The following NLK variants were observed in gnomAD, a reference collection of about 807,000 sequenced individuals.
NLK encodes the protein serine/threonine-protein kinase NLK.
A neutral mutation model predicts 59.0 loss-of-function variants in NLK; 11 were observed. The ratio of observed to expected loss-of-function variants is 0.19; its 90% CI spans 0.12 to 0.31. NLK has a LOEUF of 0.31. Ranked by LOEUF, NLK falls within the 10% of genes least tolerant of loss-of-function variation. NLK has a pLI of 1.00. For missense variants in NLK, 410 were observed against 661.1 expected, an observed-to-expected ratio of 0.62 and a Z score of 4.16; for synonymous variants, 235 against 235.9, an observed-to-expected ratio of 1.00 and a Z score of 0.03.
Position 28,160,237 on chromosome 17 carries a change from T to A in NLK, c.645-923T>A, listed in dbSNP as rs542030818. On this transcript the variant is annotated intron_variant, in intron 3 of 10. Coordinates refer to ENST00000407008, the MANE Select transcript of NLK (RefSeq NM_016231.5). ...GGAGACTAAAGCGATTTGGAAAAAA[T>A]GTCTCGAGGAGGAGGGAGTTTGAAA... Among the ~76,000 whole-genome samples, 13 of 152,206 alleles carry A rather than the reference T, an allele frequency of 8.5e-5. No homozygotes were observed. In the South Asian group the frequency reaches 1.5e-3, roughly 17 times the overall value.
At position 28,179,845 on chromosome 17, in the gene NLK, T is replaced by C. The variant is rs1908829027; in HGVS notation, c.1150-5334T>C. ...ACAGGCATGAGCCACCGTGCCCAGTTCTAGGGCATATTTCTAAGCATTCTT... is the reference window on the plus strand; with the variant it reads ...ACAGGCATGAGCCACCGTGCCCAGTCCTAGGGCATATTTCTAAGCATTCTT... On this transcript the variant is annotated intron_variant, in intron 7 of 10. Coordinates refer to ENST00000407008, the MANE Select transcript of NLK (RefSeq NM_016231.5). Among the ~76,000 whole-genome samples the C allele has an allele frequency of 2.0e-5, 3 of 151,490 alleles. 1 individual carries two copies. The South Asian group carries it at 6.3e-4, about 32-fold the overall frequency.
intron 1 of NLK, among the ~76,000 whole-genome samples, chr17:28,114,365 A>G (rs1369236020): frequency 6.6e-6 from 1 of 152,172 alleles, no homozygotes; most frequent in Non-Finnish European, 1.5e-5. Flanking sequence ...CCTAAACTAT[A>G]AGAATTTCCA....
chr17:28,057,202 G>T (rs575467287), intron 1 of NLK, among the ~76,000 whole-genome samples: 2 of 152,192 alleles, frequency 1.3e-5, no homozygotes, highest in African/African-American at 2.4e-5. Flanking sequence ...TGATCCACCC[G>T]CCTCGGCCTC....
At chr17:28,095,081 A>T (rs1487719399) in intron 1 of NLK, among the ~76,000 whole-genome samples, 1 of 152,162 alleles carries the variant, frequency 6.6e-6, no homozygotes, top group Non-Finnish European at 1.5e-5. Context: ...AGAAGGAAAA[A>T]TTGGGAAGAT....
At chr17:28,059,316 T>C (rs887577774) in intron 1 of NLK, among the ~76,000 whole-genome samples, 4 of 152,052 alleles carry the variant, frequency 2.6e-5, no homozygotes, top group African/African-American at 9.7e-5. Context: ...TTTTTAAGAG[T>C]GAGAGCTCTA....
intron 7 of NLK, among the ~76,000 whole-genome samples, chr17:28,183,389 C>CATA (rs1908991466): frequency 6.6e-6 from 1 of 152,136 alleles, no homozygotes. Context: ...AGTGCAGTGG[C>CATA]ATAAGCACAG....
At chr17:28,111,899 GTGTGTGTGT>G (rs1567717090) in intron 1 of NLK, among the ~76,000 whole-genome samples, 16 of 76,238 alleles carry the variant, frequency 2.1e-4, no homozygotes, top group African/African-American at 7.9e-4. Flanking sequence ...TGTGTGTGGT[GTGTGTGTGT>G]GTGTGTGTGT....
the NLK span, among the ~76,000 whole-genome samples, chr17:28,205,049 G>A: frequency 6.6e-6 from 1 of 152,184 alleles, no homozygotes; most frequent in African/African-American, 2.4e-5. Context: ...TCAGTCACCT[G>A]AAGAGATGGA....
chr17:28,160,064 G>A (rs565988294), intron 3 of NLK, among the ~76,000 whole-genome samples: 62 of 152,280 alleles, frequency 4.1e-4, no homozygotes, highest in African/African-American at 1.4e-3. Flanking sequence ...TGCACTTAAG[G>A]AAAGATTAAC....
chr17:28,068,047 A>G (rs1438138667), intron 1 of NLK, among the ~76,000 whole-genome samples: 2 of 151,244 alleles, frequency 1.3e-5, no homozygotes, highest in East Asian at 2.0e-4. Flanking sequence ...AGGCTGAGGT[A>G]GGAGAATTGC....
intron 8 of NLK, among the ~76,000 whole-genome samples, chr17:28,187,840 T>G (rs1318133757): frequency 6.6e-6 from 1 of 152,142 alleles, no homozygotes; most frequent in Non-Finnish European, 1.5e-5. Context: ...GGAGAAAGAT[T>G]TATCTGGTAA....
the NLK span, among the ~76,000 whole-genome samples, chr17:28,204,830 T>C: frequency 6.6e-6 from 1 of 152,244 alleles, no homozygotes; most frequent in Non-Finnish European, 1.5e-5. Context: ...CCATATACTG[T>C]TGAATGCACT....
At chr17:28,170,078 G>A (rs890947818) in intron 6 of NLK, among the ~76,000 whole-genome samples, 1 of 152,134 alleles carries the variant, frequency 6.6e-6, no homozygotes, top group Non-Finnish European at 1.5e-5. Flanking sequence ...AAATAAGGCA[G>A]TAAGATGCTG....
intron 1 of NLK, among the ~76,000 whole-genome samples, chr17:28,076,446 C>G (rs779865545): frequency 3.9e-5 from 6 of 152,126 alleles, no homozygotes; most frequent in Non-Finnish European, 5.9e-5. Context: ...GCTTCACCTT[C>G]ATGATATAAT....
chr17:28,090,704 A>T (rs1354366589), intron 1 of NLK, among the ~76,000 whole-genome samples: 7 of 152,150 alleles, frequency 4.6e-5, no homozygotes, highest in African/African-American at 1.7e-4. Context: ...GAGCTTGTTA[A>T]AAAATAATAA....
rs77361360 is a variant in NLK, at chr17:28,075,634, G to A, written c.458+32303G>A. On this transcript the variant is annotated intron_variant, in intron 1 of 10. Coordinates refer to ENST00000407008, the MANE Select transcript of NLK (RefSeq NM_016231.5). Reference sequence around the variant, plus strand: ...TAAAAAGTGCCTCAACTTAAAAACTGTTCTTAAGTTTTCTTCTTTTGCTTT... The same window carrying A: ...TAAAAAGTGCCTCAACTTAAAAACTATTCTTAAGTTTTCTTCTTTTGCTTT... Among the ~76,000 whole-genome samples, 999 of 152,288 alleles carry A rather than the reference G, an allele frequency of 6.6e-3. 17 individuals are homozygous for A. Among genetic ancestry groups the A allele is most frequent in the African/African-American group, 0.022 (930 of 41,556 alleles).
chr17:28,203,160 T>TACACACACACACAC, the NLK span, among the ~76,000 whole-genome samples: 64 of 127,134 alleles, frequency 5.0e-4, 1 homozygote, highest in African/African-American at 2.2e-3. Flanking sequence ...TGTATATACA[T>TACACACACACACAC]ACATACACAC....
intron 2 of NLK, among the ~76,000 whole-genome samples, chr17:28,123,837 AAT>A (rs1366357922): frequency 1.3e-5 from 2 of 152,320 alleles, no homozygotes; most frequent in Admixed American, 6.5e-5. Context: ...CCAGCATTAG[AAT>A]ATGTTTTCAT....
Position 28,186,062 on chromosome 17 carries a change from A to G in NLK, c.1236+797A>G, listed in dbSNP as rs183167992. On this transcript the variant is annotated intron_variant, in intron 8 of 10. Coordinates refer to ENST00000407008, the MANE Select transcript of NLK (RefSeq NM_016231.5). Reference sequence around the variant, plus strand: ...CATCTATGCCAATAACTATTGTCAAAGAAGACTTAAAAATGGAAGCATTTA... The same window carrying G: ...CATCTATGCCAATAACTATTGTCAAGGAAGACTTAAAAATGGAAGCATTTA... Among the ~76,000 whole-genome samples, 95 of 152,370 alleles carry G rather than the reference A, an allele frequency of 6.2e-4. 2 individuals are homozygous for G. Among genetic ancestry groups the G allele is most frequent in the South Asian group, 3.5e-3 (17 of 4,830 alleles).
Sources: allele counts gnomAD v4.1 joint callset (sites outside exome capture counted in the v4.1 genomes callset), GRCh38; gene constraint gnomAD v4.1.1; transcripts MANE v1.5; gene names NCBI Gene and HGNC (gene_info 2026-07-23, HGNC 2026-07-21).